Variants in XRCC4 observed in about 807,000 individuals in gnomAD.
XRCC4 encodes X-ray repair cross complementing 4.
Under a neutral mutation model 39.1 loss-of-function variants are expected in XRCC4, and 28 were observed. The ratio of observed to expected loss-of-function variants is 0.72; its 90% CI spans 0.53 to 0.98. The LOEUF (loss-of-function observed/expected upper bound fraction) is 0.98, where lower values mean the gene tolerates loss of function less well. Among genes scored for constraint, XRCC4 ranks in the 50% least tolerant of loss-of-function variants. XRCC4 has a pLI of 0.00. For synonymous variants in XRCC4, 123 were observed against 126.4 expected (o/e 0.97, Z 0.18); for missense variants, 350 against 376.4 (o/e 0.93, Z 0.58).
At chr5:83,110,913 T>C (rs1268372054) in intron 2 of XRCC4, 115 bp from the exon 3 acceptor site, 1 of 1,005,864 alleles carries the variant, frequency 9.9e-7, no homozygotes, top group Non-Finnish European at 1.4e-6. Flanking sequence ...GGATTGATTT[T>C]ACTTGTTTGA....
chr5:83,092,216 T>G (rs949546020), intron 1 of XRCC4, among the ~76,000 whole-genome samples: 1 of 152,196 alleles, frequency 6.6e-6, no homozygotes, highest in Non-Finnish European at 1.5e-5. Flanking sequence ...TCTGTTTTGT[T>G]TCTATAGAGC....
Position 83,104,929 on chromosome 5 carries a change from A to G in XRCC4, c.10A>G (p.Lys4Glu), listed in dbSNP as rs1449631425. Reference protein sequence around the residue: MERKISRIHLVSEP... With the variant: MEREISRIHLVSEP... ...TTACAGGTATTAAGAAATGGAGAGA[A>G]AAATAAGCAGAATCCACCTTGTTTC... The change falls in exon 2 of 8, where the codon AAA (lysine) becomes GAA (glutamate). Residue 4 changes from lysine (K) to glutamate (E), a missense_variant. By Grantham distance (56) the Lys-to-Glu change is moderately conservative. Transcript: ENST00000396027. 5.0e-6 allele frequency: 8 copies of G among 1,613,136 alleles called. No homozygotes were observed. The highest frequency in any genetic ancestry group is 6.8e-6 in the Non-Finnish European group (8 of 1,179,452).
At chr5:83,303,516 A>G (rs985885286) in intron 7 of XRCC4, among the ~76,000 whole-genome samples, 1 of 152,182 alleles carries the variant, frequency 6.6e-6, no homozygotes, top group African/African-American at 2.4e-5. Context: ...GTGGTATAAT[A>G]ATAAATTATA....
In XRCC4 at chr5:83,318,123, T is replaced by A. The variant is rs1327818003; in HGVS notation, c.894-35008T>A. 1.1e-4 allele frequency among the ~76,000 whole-genome samples: 16 copies of A among 146,172 alleles called. No individual in the cohort carries two copies. In the East Asian group the frequency reaches 1.4e-3, roughly 13 times the overall value. On this transcript the variant is annotated intron_variant, in intron 7 of 7. Coordinates refer to ENST00000396027, the MANE Select transcript of XRCC4 (RefSeq NM_003401.5). ...AAAAACCACATGATTATCTCAATAG[T>A]TGCAGAAAAAGCCTTTGACAAAATT...
At chr5:83,234,700 A>T (rs190804816) in intron 6 of XRCC4, among the ~76,000 whole-genome samples, 1 of 152,262 alleles carries the variant, frequency 6.6e-6, no homozygotes, top group African/African-American at 2.4e-5. Context: ...CTCCTATGTC[A>T]CAGGATAATG....
At chr5:83,296,574 T>TA (rs1215330398) in intron 7 of XRCC4, among the ~76,000 whole-genome samples, 4 of 152,072 alleles carry the variant, frequency 2.6e-5, no homozygotes, top group Non-Finnish European at 5.9e-5. Context: ...AACTCAATGA[T>TA]AAAAAAATTT....
intron 7 of XRCC4, among the ~76,000 whole-genome samples, chr5:83,260,171 G>C (rs1753701536): frequency 6.6e-6 from 1 of 152,062 alleles, no homozygotes; most frequent in Admixed American, 6.6e-5. Context: ...ATAACCCCTT[G>C]ATAGAGCTCA....
At chr5:83,289,238 A>G (rs748962014) in intron 7 of XRCC4, among the ~76,000 whole-genome samples, 7 of 151,902 alleles carry the variant, frequency 4.6e-5, no homozygotes, top group Non-Finnish European at 7.4e-5. Flanking sequence ...GTGTCTGATG[A>G]CTTGAACATC....
intron 6 of XRCC4, among the ~76,000 whole-genome samples, chr5:83,218,315 A>C (rs1561411956): frequency 6.7e-6 from 1 of 148,606 alleles, no homozygotes; most frequent in Non-Finnish European, 1.5e-5. Flanking sequence ...AAACTCATAA[A>C]ACTTTATGAA....
At chr5:83,289,198 C>A (rs1178399405) in intron 7 of XRCC4, among the ~76,000 whole-genome samples, 1 of 151,758 alleles carries the variant, frequency 6.6e-6, no homozygotes, top group Non-Finnish European at 1.5e-5. Context: ...CCATTAGTAT[C>A]TTTAATATAT....
chr5:83,367,182 G>A, the XRCC4 span, among the ~76,000 whole-genome samples: 1 of 152,078 alleles, frequency 6.6e-6, no homozygotes, highest in Non-Finnish European at 1.5e-5. Flanking sequence ...GTCATAGAAA[G>A]CTTTGTTGAT....
At chr5:83,146,423 A>G (rs1748455832) in intron 3 of XRCC4, among the ~76,000 whole-genome samples, 1 of 152,142 alleles carries the variant, frequency 6.6e-6, no homozygotes, top group Non-Finnish European at 1.5e-5. Flanking sequence ...CCCAGTGGCT[A>G]TTTGGTTGTG....
At chr5:83,239,843 T>A (rs961734150) in intron 6 of XRCC4, among the ~76,000 whole-genome samples, 2,533 of 148,464 alleles carry the variant, frequency 0.017, 78 homozygotes, top group African/African-American at 0.06. Context: ...AAAAAAAAAA[T>A]ATTTTTCCTT....
intron 7 of XRCC4, among the ~76,000 whole-genome samples, chr5:83,340,674 T>C (rs186520315): frequency 5.7e-4 from 87 of 151,604 alleles, no homozygotes; most frequent in African/African-American, 2.1e-3. Flanking sequence ...TCCAGAGAAG[T>C]ATACAGCTCT....
At chr5:83,101,400 A>C (rs1745929372) in intron 1 of XRCC4, among the ~76,000 whole-genome samples, 1 of 152,116 alleles carries the variant, frequency 6.6e-6, no homozygotes, top group South Asian at 2.1e-4. Flanking sequence ...GATAAATTTG[A>C]AGTCAATCTG....
chr5:83,090,898 T>C (rs942074563), intron 1 of XRCC4, among the ~76,000 whole-genome samples: 10 of 152,276 alleles, frequency 6.6e-5, no homozygotes, highest in African/African-American at 2.4e-4. Flanking sequence ...TATTATATAT[T>C]ATGTTATGGT....
chr5:83,348,069 A>G (rs561317636), intron 7 of XRCC4, among the ~76,000 whole-genome samples: 16 of 152,062 alleles, frequency 1.1e-4, no homozygotes, highest in South Asian at 2.1e-4. Context: ...TCCTTGGGAA[A>G]CTCTGCCCCT....
downstream of XRCC4, among the ~76,000 whole-genome samples, chr5:83,354,638 G>A (rs1757169142): frequency 6.6e-6 from 1 of 152,002 alleles, no homozygotes; most frequent in Non-Finnish European, 1.5e-5. Context: ...TTCTTTAGAT[G>A]TTTTAGCATA....
At chr5:83,357,200 G>A (rs561010580), downstream of XRCC4, among the ~76,000 whole-genome samples, 2 of 152,268 alleles carry the variant, frequency 1.3e-5, no homozygotes, top group East Asian at 1.9e-4. Context: ...ATTTTTGCCA[G>A]TCTCTGTTCT....
Sources: allele counts gnomAD v4.1 joint callset (sites outside exome capture counted in the v4.1 genomes callset), GRCh38; gene constraint gnomAD v4.1.1; transcripts MANE v1.5; gene names NCBI Gene and HGNC (gene_info 2026-07-23, HGNC 2026-07-21).